Variants in CLVS1 observed in about 807,000 individuals in gnomAD.
CLVS1 encodes clavesin-1.
Under a neutral mutation model 33.1 loss-of-function variants are expected in CLVS1, and 10 were observed. The ratio of observed to expected loss-of-function variants is 0.30; its 90% confidence interval spans 0.19 to 0.51. CLVS1 has a LOEUF of 0.51. Ranked by LOEUF, CLVS1 falls within the 20% of genes least tolerant of loss-of-function variation. The probability of loss-of-function intolerance (pLI) is 0.97; values close to 1 mark genes in which losing one functional copy is unlikely to be tolerated. For missense variants in CLVS1, 343 were observed against 433.4 expected (o/e 0.79, Z 1.85); for synonymous variants, 163 against 166.1 (o/e 0.98, Z 0.14).
intron 2 of CLVS1, among the ~76,000 whole-genome samples, chr8:61,273,306 G>T (rs1809486803): frequency 6.6e-6 from 1 of 152,186 alleles, no homozygotes; most frequent in Non-Finnish European, 1.5e-5. Context: ...GTTGCTCGGG[G>T]GTCAGGGTTC....
intron 2 of CLVS1, among the ~76,000 whole-genome samples, chr8:61,357,759 G>T (rs945328780): frequency 2.0e-5 from 3 of 151,734 alleles, no homozygotes; most frequent in Non-Finnish European, 4.4e-5. Flanking sequence ...CTTCAACTCT[G>T]TTGGCCAAGC....
chr8:61,188,499 T>A (rs1394655291), intron 2 of CLVS1, among the ~76,000 whole-genome samples: 1 of 108,250 alleles, frequency 9.2e-6, no homozygotes, highest in Non-Finnish European at 2.3e-5. Context: ...CAGATTATGC[T>A]TAAATAAATT....
chr8:61,458,796 C>A, intron 5 of CLVS1: 1 of 350,222 alleles, frequency 2.9e-6, no homozygotes. Context: ...AATTATAGCC[C>A]TGGTCTTCAG....
At chr8:61,169,723 T>C (rs1806954676) in intron 2 of CLVS1, among the ~76,000 whole-genome samples, 1 of 152,122 alleles carries the variant, frequency 6.6e-6, no homozygotes, top group African/African-American at 2.4e-5. Flanking sequence ...CACCTTTCCC[T>C]CTCCCCTATA....
intron 1 of CLVS1, among the ~76,000 whole-genome samples, chr8:61,293,065 G>T (rs1810055235): frequency 6.6e-6 from 1 of 152,154 alleles, no homozygotes; most frequent in South Asian, 2.1e-4. Context: ...GCAAATGATT[G>T]TGTGCTTCTT....
intron 3 of CLVS1, among the ~76,000 whole-genome samples, chr8:61,382,526 C>T (rs1813922241): frequency 6.6e-6 from 1 of 152,152 alleles, no homozygotes; most frequent in Admixed American, 6.6e-5. Flanking sequence ...CATACTGAAT[C>T]AGAGCTGTAT....
the CLVS1 span, among the ~76,000 whole-genome samples, chr8:60,992,390 G>A: frequency 2.0e-5 from 3 of 152,174 alleles, no homozygotes; most frequent in African/African-American, 4.8e-5. Flanking sequence ...CATTTTGCCT[G>A]TGCATGATAC....
chr8:61,481,283 G>A (rs1443035087), intron 5 of CLVS1, among the ~76,000 whole-genome samples: 3 of 152,178 alleles, frequency 2.0e-5, no homozygotes, highest in African/African-American at 7.2e-5. Context: ...CCAGTCTGCA[G>A]CTCCCAGTGT....
the CLVS1 span, chr8:60,967,452 CG>C: frequency 6.1e-6 from 2 of 327,770 alleles, no homozygotes; most frequent in Non-Finnish European, 1.2e-5. Flanking sequence ...GGAAGGGGAA[CG>C]GAAGCCGCAT....
intron 5 of CLVS1, among the ~76,000 whole-genome samples, chr8:61,467,880 T>C (rs10107557): frequency 0.25 from 37,446 of 152,084 alleles, 7,751 homozygotes; most frequent in African/African-American, 0.57. Flanking sequence ...TAGATGTCAT[T>C]TAGGGATCGT....
intron 2 of CLVS1, among the ~76,000 whole-genome samples, chr8:61,132,481 A>G (rs901953205): frequency 2.6e-5 from 4 of 152,218 alleles, no homozygotes; most frequent in Admixed American, 6.5e-5. Flanking sequence ...GACTGGCTGA[A>G]TGGGGCAGGC....
the CLVS1 span, among the ~76,000 whole-genome samples, chr8:60,988,431 TCC>T: frequency 6.6e-6 from 1 of 152,078 alleles, no homozygotes; most frequent in Non-Finnish European, 1.5e-5. Context: ...GGGCCCGGGT[TCC>T]TCATTAGGAC....
At position 61,300,172 on chromosome 8, in the gene CLVS1, T is replaced by G; in HGVS notation, c.345T>G (p.Asp115Glu). The change falls in exon 2 of 6, where the codon GAT becomes GAG. Residue 115 changes from aspartate to glutamate, a missense_variant. Asp to Glu is a conservative substitution (Grantham distance 45, BLOSUM62 2). Coordinates refer to ENST00000325897, the MANE Select transcript of CLVS1 (RefSeq NM_173519.3). ...LDMFKNFKADDPGIKRALIDG... is the reference protein window; with the variant it reads ...LDMFKNFKADEPGIKRALIDG... ...TGTTCAAAAACTTCAAGGCAGATGA[T>G]CCCGGCATTAAGAGGGCTCTGATCG... 3 of 1,614,016 alleles carry G rather than the reference T, an allele frequency of 1.9e-6. No individual in the cohort carries two copies. The highest frequency in any genetic ancestry group is 2.5e-6 in the Non-Finnish European group (3 of 1,179,964).
chr8:61,404,414 C>T (rs560314398), intron 3 of CLVS1, among the ~76,000 whole-genome samples: 1 of 152,282 alleles, frequency 6.6e-6, no homozygotes, highest in Admixed American at 6.5e-5. Flanking sequence ...ATTTGATACA[C>T]ACACCTCTTG....
chr8:61,277,586 A>G (rs147030571), intron 2 of CLVS1, among the ~76,000 whole-genome samples: 4 of 152,270 alleles, frequency 2.6e-5, no homozygotes, highest in African/African-American at 9.6e-5. Context: ...TAGGCCTGCT[A>G]GGTGCTTTAT....
chr8:61,210,307 G>A (rs889502951), intron 2 of CLVS1, among the ~76,000 whole-genome samples: 1 of 152,216 alleles, frequency 6.6e-6, no homozygotes, highest in Non-Finnish European at 1.5e-5. Flanking sequence ...AGAGGGGACT[G>A]TATTGAGGAA....
the CLVS1 span, among the ~76,000 whole-genome samples, chr8:61,021,088 A>G: frequency 4.6e-5 from 7 of 152,340 alleles, no homozygotes; most frequent in East Asian, 1.3e-3. Context: ...CCCTTTAAAA[A>G]AATCATTTCA....
the CLVS1 span, among the ~76,000 whole-genome samples, chr8:61,028,046 A>G: frequency 6.6e-6 from 1 of 152,222 alleles, no homozygotes; most frequent in African/African-American, 2.4e-5. Flanking sequence ...TAAAAATATG[A>G]TACATTTCCC....
At chr8:61,296,198 C>A (rs35379443) in intron 1 of CLVS1, among the ~76,000 whole-genome samples, 1 of 152,156 alleles carries the variant, frequency 6.6e-6, no homozygotes, top group African/African-American at 2.4e-5. Context: ...TGGAAAATAT[C>A]TATGTTATCC....
Sources: gnomAD v4.1 joint callset for allele counts (sites outside exome capture counted in the v4.1 genomes callset) on GRCh38, gnomAD v4.1.1 for gene constraint, MANE v1.5 for transcripts, NCBI Gene and HGNC (gene_info 2026-07-23, HGNC 2026-07-21) for gene names.